Variants in MAPK6 observed in about 807,000 individuals in gnomAD.
MAPK6 encodes mitogen-activated protein kinase 6.
MAPK6 carries 19 observed loss-of-function variants against 59.3 expected under a neutral mutation model. The observed-to-expected ratio is 0.32, with a 90% CI of 0.22 to 0.47. The LOEUF (loss-of-function observed/expected upper bound fraction) is 0.47, where lower values mean the gene tolerates loss of function less well. MAPK6 is among the 20% of genes least tolerant of loss of function. MAPK6 has a pLI of 1.00. For missense variants in MAPK6, 724 were observed against 847.9 expected (o/e 0.85, Z 1.81); for synonymous variants, 316 against 290.3 (o/e 1.09, Z -0.90).
intron 2 of MAPK6, among the ~76,000 whole-genome samples, chr15:51,990,371 G>T (rs2057204308): frequency 6.6e-6 from 1 of 152,178 alleles, no homozygotes; most frequent in Non-Finnish European, 1.5e-5. Context: ...AATTGCTATG[G>T]GCAGTGAGAA....
At chr15:52,040,184 G>A (rs559598696) in intron 1 of MAPK6, among the ~76,000 whole-genome samples, 79 of 152,334 alleles carry the variant, frequency 5.2e-4, no homozygotes, top group African/African-American at 1.8e-3. Flanking sequence ...AGGGAAGGGT[G>A]AATTTGCTAC....
At chr15:52,020,079 T>A (rs2030460571) in intron 1 of MAPK6, 1 of 152,320 alleles carries the variant, frequency 6.6e-6, no homozygotes, top group African/African-American at 2.4e-5. Context: ...CCCTCGGCCC[T>A]ACAGTCTTTC....
chr15:52,058,555 T>A (rs1037328173), intron 3 of MAPK6, 78 bp from the exon 4 acceptor site: 3 of 1,231,308 alleles, frequency 2.4e-6, no homozygotes, highest in East Asian at 2.7e-5. Flanking sequence ...ATTATAATAT[T>A]TAAATTAGTT....
chr15:52,009,502 G>A (rs1280592955), intron 3 of MAPK6, among the ~76,000 whole-genome samples: 1 of 152,194 alleles, frequency 6.6e-6, no homozygotes, highest in African/African-American at 2.4e-5. Context: ...TGTGTGTTGG[G>A]AGAGGCTGTA....
intron 1 of MAPK6, among the ~76,000 whole-genome samples, chr15:52,043,554 C>T (rs2141078838): frequency 6.6e-6 from 1 of 152,044 alleles, no homozygotes; most frequent in Admixed American, 6.6e-5. Flanking sequence ...GCCTTGGCCT[C>T]CCAAAGTGCT....
chr15:51,977,756 CG>C lies in MAPK6; in HGVS notation c.-879-5449del, dbSNP rs111456799. ...CTCACTATGTTGCTCAGAATGACTT[CG>C]AACTCCTGGCCTCAAGCGATCCTCC... On this transcript the variant is annotated intron_variant, in intron 1 of 7. Coordinates refer to the MAPK6 transcript ENST00000691380. 7.0e-3 allele frequency among the ~76,000 whole-genome samples: 1,069 copies of C among 151,670 alleles called. 20 individuals are homozygous for C. Among genetic ancestry groups the C allele is most frequent in the African/African-American group, 0.025 (1,031 of 41,444 alleles).
intron 2 of MAPK6, among the ~76,000 whole-genome samples, chr15:51,989,491 G>A (rs969301489): frequency 6.6e-6 from 1 of 152,128 alleles, no homozygotes; most frequent in Non-Finnish European, 1.5e-5. Context: ...GCCAGTAAGA[G>A]TTTCTGTTAA....
At chr15:52,059,989 C>G (rs936228916) in intron 4 of MAPK6, among the ~76,000 whole-genome samples, 1 of 152,186 alleles carries the variant, frequency 6.6e-6, no homozygotes, top group Non-Finnish European at 1.5e-5. Context: ...TTAAGTACAT[C>G]TGAGTGAACG....
chr15:51,996,417 A>C (rs950114381), intron 2 of MAPK6, among the ~76,000 whole-genome samples: 5 of 151,954 alleles, frequency 3.3e-5, no homozygotes, highest in Non-Finnish European at 7.4e-5. Context: ...TTTTTTTGAG[A>C]CAGAGTCTTG....
At chr15:52,056,249 C>A (rs774509608) in intron 3 of MAPK6, among the ~76,000 whole-genome samples, 1 of 152,104 alleles carries the variant, frequency 6.6e-6, no homozygotes, top group East Asian at 1.9e-4. Context: ...AGATATTTTC[C>A]CTCTTTCCTG....
chr15:52,003,369 ACAGAGCCAAAC>A (rs1157993243), intron 2 of MAPK6, among the ~76,000 whole-genome samples: 2 of 152,196 alleles, frequency 1.3e-5, no homozygotes, highest in African/African-American at 4.8e-5. Flanking sequence ...GGGTGGGGAC[ACAGAGCCAAAC>A]CATATCACCT....
intron 3 of MAPK6, among the ~76,000 whole-genome samples, chr15:52,054,522 TTTTTGTGACCAAGTCTCAAAAG>T (rs1196089274): frequency 2.0e-5 from 3 of 152,202 alleles, no homozygotes; most frequent in Non-Finnish European, 2.9e-5. Context: ...GTAAAATATC[TTTTTGTGACCAAGTCTCAAAAG>T]TTACATACTG....
intron 4 of MAPK6, among the ~76,000 whole-genome samples, chr15:52,060,328 C>T (rs1430488854): frequency 6.6e-6 from 1 of 152,040 alleles, no homozygotes; most frequent in Admixed American, 6.6e-5. Context: ...ACTTAGAAGG[C>T]AAGGATAAGA....
chr15:52,032,000 A>G (rs1176999625), intron 1 of MAPK6, among the ~76,000 whole-genome samples: 2 of 151,146 alleles, frequency 1.3e-5, no homozygotes, highest in South Asian at 2.1e-4. Flanking sequence ...TCCCGGGTTC[A>G]TGCCATTCTT....
chr15:51,994,415 C>T (rs1045682322), intron 2 of MAPK6, among the ~76,000 whole-genome samples: 5 of 152,134 alleles, frequency 3.3e-5, no homozygotes, highest in African/African-American at 1.2e-4. Context: ...GACTAGATTA[C>T]AGGCCATTTA....
upstream of MAPK6, among the ~76,000 whole-genome samples, chr15:52,016,070 G>GCGCGCAAACA: frequency 3.6e-5 from 2 of 55,390 alleles, no homozygotes; most frequent in African/African-American, 7.0e-5. Flanking sequence ...GCGCGCGCGC[G>GCGCGCAAACA]CACACACACA....
chr15:52,052,116 C>G (rs1301640422), intron 3 of MAPK6, among the ~76,000 whole-genome samples: 2 of 152,158 alleles, frequency 1.3e-5, no homozygotes, highest in African/African-American at 2.4e-5. Flanking sequence ...TTTACAGTTT[C>G]TGTGTGTCAA....
intron 1 of MAPK6, among the ~76,000 whole-genome samples, chr15:52,024,038 A>AT (rs1363762531): frequency 3.3e-5 from 5 of 152,140 alleles, no homozygotes; most frequent in Non-Finnish European, 5.9e-5. Flanking sequence ...TAAATTTGGT[A>AT]TTTTTTTCAC....
At chr15:52,048,361 G>A (rs570716882) in intron 2 of MAPK6, among the ~76,000 whole-genome samples, 1 of 152,244 alleles carries the variant, frequency 6.6e-6, no homozygotes, top group South Asian at 2.1e-4. Context: ...GCTCACACCT[G>A]TAATCTCAGC....
Sources: gnomAD v4.1 joint callset for allele counts (sites outside exome capture counted in the v4.1 genomes callset) on GRCh38, gnomAD v4.1.1 for gene constraint, MANE v1.5 for transcripts, NCBI Gene and HGNC (gene_info 2026-07-23, HGNC 2026-07-21) for gene names.